The following ADAMTSL1 variants were observed in gnomAD, a reference collection of about 807,000 sequenced individuals.
The protein encoded by ADAMTSL1 is ADAMTS like 1.
ADAMTSL1 carries 126 observed loss-of-function variants against 201.8 expected under a neutral mutation model. That is an observed-to-expected ratio of 0.62 (90% CI 0.54 to 0.72). The LOEUF is 0.72. Ranked by LOEUF, ADAMTSL1 falls within the 30% of genes least tolerant of loss-of-function variation. The pLI is 0.00. For synonymous variants in ADAMTSL1, 1,121 were observed against 903.4 expected, an observed-to-expected ratio of 1.24 and a Z score of -4.32; for missense variants, 2,679 against 2,277.8, an observed-to-expected ratio of 1.18 and a Z score of -3.59.
At chr9:18,064,546 C>T (rs923917286) in intron 1 of ADAMTSL1, among the ~76,000 whole-genome samples, 2 of 152,132 alleles carry the variant, frequency 1.3e-5, no homozygotes, top group African/African-American at 4.8e-5. Flanking sequence ...AAGAATCTAA[C>T]AGATTGATTT....
At chr9:18,886,168 A>ATGTG (rs1229697274) in intron 23 of ADAMTSL1, among the ~76,000 whole-genome samples, 172 of 39,438 alleles carry the variant, frequency 4.4e-3, no homozygotes, top group East Asian at 9.6e-3. Context: ...GTGTATGTGT[A>ATGTG]TATATATATA....
chr9:18,746,621 C>T (rs1819160906), intron 15 of ADAMTSL1, among the ~76,000 whole-genome samples: 1 of 152,100 alleles, frequency 6.6e-6, no homozygotes, highest in African/African-American at 2.4e-5. Context: ...GGCATAATAG[C>T]TCAGGGTGGG....
At chr9:18,450,277 G>A (rs377715101) in intron 2 of ADAMTSL1, among the ~76,000 whole-genome samples, 13 of 152,026 alleles carry the variant, frequency 8.6e-5, no homozygotes, top group African/African-American at 2.7e-4. Flanking sequence ...TGCTGTGGTC[G>A]TTACATGATT....
At chr9:17,936,543 C>T (rs1277877969) in intron 1 of ADAMTSL1, among the ~76,000 whole-genome samples, 1 of 152,166 alleles carries the variant, frequency 6.6e-6, no homozygotes, top group Non-Finnish European at 1.5e-5. Context: ...CTCTGAGGTC[C>T]TTTCCAGCTC....
intron 1 of ADAMTSL1, among the ~76,000 whole-genome samples, chr9:18,103,441 C>T (rs1824620865): frequency 6.6e-6 from 1 of 152,046 alleles, no homozygotes; most frequent in African/African-American, 2.4e-5. Flanking sequence ...GAATAAATTT[C>T]AAGAAATAAT....
chr9:18,199,612 C>G (rs948510809), intron 2 of ADAMTSL1, among the ~76,000 whole-genome samples: 4 of 151,982 alleles, frequency 2.6e-5, no homozygotes, highest in African/African-American at 9.7e-5. Context: ...AAAGTTATAC[C>G]TCCTGTGGCT....
At chr9:18,708,639 T>G (rs1832370139) in intron 14 of ADAMTSL1, among the ~76,000 whole-genome samples, 1 of 152,234 alleles carries the variant, frequency 6.6e-6, no homozygotes, top group Non-Finnish European at 1.5e-5. Context: ...ACATAGCAGA[T>G]GACTCAGCAT....
intron 15 of ADAMTSL1, among the ~76,000 whole-genome samples, chr9:18,728,718 G>A (rs1015149113): frequency 1.3e-5 from 2 of 152,224 alleles, no homozygotes; most frequent in African/African-American, 4.8e-5. Flanking sequence ...AAATGAAGAA[G>A]GAAGATGTTG....
intron 23 of ADAMTSL1, among the ~76,000 whole-genome samples, chr9:18,862,168 T>TG (rs1169226600): frequency 6.6e-6 from 1 of 152,088 alleles, no homozygotes; most frequent in Non-Finnish European, 1.5e-5. Flanking sequence ...TGCTATGCTG[T>TG]GGCTTTGGTT....
chr9:18,326,179 G>A (rs1332136956), intron 2 of ADAMTSL1, among the ~76,000 whole-genome samples: 1 of 152,174 alleles, frequency 6.6e-6, no homozygotes, highest in African/African-American at 2.4e-5. Context: ...AATTTTGAAG[G>A]AGTCAAAAAT....
At chr9:18,668,624 G>A (rs1358130530) in intron 9 of ADAMTSL1, among the ~76,000 whole-genome samples, 3 of 152,068 alleles carry the variant, frequency 2.0e-5, no homozygotes, top group South Asian at 4.1e-4. Context: ...CCTGAGTTTT[G>A]CCCTCTGTAA....
intron 2 of ADAMTSL1, among the ~76,000 whole-genome samples, chr9:18,368,611 A>C (rs1836894929): frequency 1.3e-5 from 2 of 152,196 alleles, no homozygotes; most frequent in African/African-American, 4.8e-5. Context: ...GTCTGCCTCC[A>C]AAGTTTGCCT....
At chr9:18,806,531 T>G (rs1823130234) in intron 20 of ADAMTSL1, among the ~76,000 whole-genome samples, 1 of 152,236 alleles carries the variant, frequency 6.6e-6, no homozygotes, top group Non-Finnish European at 1.5e-5. Flanking sequence ...AAACAGTGCT[T>G]ACAATGCTCT....
intron 5 of ADAMTSL1, among the ~76,000 whole-genome samples, chr9:18,631,209 C>CTCCAAGTT (rs1233750398): frequency 6.6e-6 from 1 of 152,118 alleles, no homozygotes; most frequent in African/African-American, 2.4e-5. Context: ...TAGAGGATGG[C>CTCCAAGTT]TCCAAGTTTT....
intron 9 of ADAMTSL1, among the ~76,000 whole-genome samples, chr9:18,673,037 T>C (rs1270288416): frequency 2.0e-5 from 3 of 152,094 alleles, no homozygotes; most frequent in Non-Finnish European, 2.9e-5. Flanking sequence ...AAGCCAACTG[T>C]TTCTTCTATC....
intron 9 of ADAMTSL1, among the ~76,000 whole-genome samples, chr9:18,672,723 T>C (rs1467221097): frequency 1.3e-5 from 2 of 152,258 alleles, no homozygotes; most frequent in African/African-American, 4.8e-5. Flanking sequence ...ATTATGTCCA[T>C]GTGCTGCATA....
At chr9:18,519,145 C>T (rs16936818) in intron 2 of ADAMTSL1, among the ~76,000 whole-genome samples, 33,847 of 152,164 alleles carry the variant, frequency 0.22, 4,429 homozygotes, top group East Asian at 0.63. Context: ...AATTTGTTTG[C>T]ATCACCTTTA....
chr9:18,734,251 C>A (rs141624463), intron 15 of ADAMTSL1, among the ~76,000 whole-genome samples: 2 of 152,106 alleles, frequency 1.3e-5, no homozygotes, highest in Admixed American at 1.3e-4. Flanking sequence ...GGGTATTTTA[C>A]GTATCTTTGT....
rs1587027085 is a variant in ADAMTSL1, at chr9:18,382,613, C to T, written c.208-122216C>T. 3.9e-5 allele frequency among the ~76,000 whole-genome samples: 6 copies of T among 151,976 alleles called. No individual in the cohort carries two copies. In the South Asian group the frequency reaches 1.2e-3, roughly 32 times the overall value. Reference sequence around the variant, plus strand: ...AGAAATATCAGTATCTCCAGAGAAACAAAGGAGCCATAAAATCCAGAGCCT... The same window carrying T: ...AGAAATATCAGTATCTCCAGAGAAATAAAGGAGCCATAAAATCCAGAGCCT... On this transcript the variant is annotated intron_variant, in intron 2 of 29. Coordinates refer to the ADAMTSL1 transcript ENST00000680146.
Sources: gnomAD v4.1 joint callset for allele counts (sites outside exome capture counted in the v4.1 genomes callset) on GRCh38, gnomAD v4.1.1 for gene constraint, MANE v1.5 for transcripts, NCBI Gene and HGNC (gene_info 2026-07-23, HGNC 2026-07-21) for gene names.